Variants in CNBD1 observed in about 807,000 individuals in gnomAD.
The protein encoded by CNBD1 is cyclic nucleotide-binding domain-containing protein 1.
CNBD1 carries 71 observed loss-of-function variants against 54.4 expected under a neutral mutation model. That is an observed-to-expected ratio of 1.30 (90% CI 1.08 to 1.59). The LOEUF (loss-of-function observed/expected upper bound fraction) is 1.59, where lower values mean the gene tolerates loss of function less well. Among genes scored for constraint, CNBD1 ranks in the 40% most tolerant of loss-of-function variants. CNBD1 has a pLI of 0.00. For synonymous variants in CNBD1, 182 were observed against 170.7 expected, an observed-to-expected ratio of 1.07 and a Z score of -0.51; for missense variants, 659 against 518.0, an observed-to-expected ratio of 1.27 and a Z score of -2.64.
chr8:87,243,037 T>C (rs1385094835), intron 6 of CNBD1, among the ~76,000 whole-genome samples: 1 of 152,186 alleles, frequency 6.6e-6, no homozygotes, highest in Non-Finnish European at 1.5e-5. Context: ...AACAAATTAA[T>C]CACTAAACCA....
At chr8:86,879,442 G>A (rs565507907) in intron 1 of CNBD1, among the ~76,000 whole-genome samples, 6 of 152,314 alleles carry the variant, frequency 3.9e-5, no homozygotes, top group Non-Finnish European at 8.8e-5. Flanking sequence ...GTTTCAAAAA[G>A]TGTCACTGGT....
intron 8 of CNBD1, among the ~76,000 whole-genome samples, chr8:87,315,730 T>C (rs986864365): frequency 6.6e-6 from 1 of 151,960 alleles, no homozygotes; most frequent in Non-Finnish European, 1.5e-5. Flanking sequence ...CAGCTGGGAA[T>C]GTAGGTTGGT....
At chr8:86,997,496 C>G (rs1237540722) in intron 4 of CNBD1, among the ~76,000 whole-genome samples, 1 of 152,102 alleles carries the variant, frequency 6.6e-6, no homozygotes, top group Admixed American at 6.6e-5. Flanking sequence ...AAAGATTAAG[C>G]CATTAATCGC....
At chr8:86,938,074 T>C (rs766519238) in intron 3 of CNBD1, among the ~76,000 whole-genome samples, 6 of 152,188 alleles carry the variant, frequency 3.9e-5, no homozygotes, top group Non-Finnish European at 8.8e-5. Flanking sequence ...TTTCTTCTGC[T>C]AGATACTCTA....
At chr8:87,414,181 AC>A (rs1563593046) in intron 2 of CNBD1, among the ~76,000 whole-genome samples, 1 of 152,130 alleles carries the variant, frequency 6.6e-6, no homozygotes, top group Non-Finnish European at 1.5e-5. Flanking sequence ...ACCATGGAAT[AC>A]TATGCAGCCA....
chr8:87,122,977 G>C, intron 4 of CNBD1, among the ~76,000 whole-genome samples: 1 of 151,970 alleles, frequency 6.6e-6, no homozygotes, highest in East Asian at 1.9e-4. Flanking sequence ...ATCTAGTAAT[G>C]TGATGCTTCC....
chr8:87,339,186 C>A (rs1045326833), intron 8 of CNBD1, among the ~76,000 whole-genome samples: 1 of 152,156 alleles, frequency 6.6e-6, no homozygotes, highest in Non-Finnish European at 1.5e-5. Context: ...TTCTTCCCCT[C>A]CCCTCACTGG....
rs192564064 is a variant in CNBD1, at chr8:87,388,848, T to C, written c.213+35062T>C. Among the ~76,000 whole-genome samples, 142 of 152,264 alleles carry C rather than the reference T, an allele frequency of 9.3e-4. 1 individual carries two copies. The highest frequency in any genetic ancestry group is 3.2e-3 in the African/African-American group (135 of 41,570). On this transcript the variant is annotated intron_variant, in intron 2 of 7. Coordinates refer to the CNBD1 transcript ENST00000521593. Reference sequence around the variant, plus strand: ...CCTGATTAACATCGATGCAAAATCCTCAATAAAATACTGGCAAACTGAATC... The same window carrying C: ...CCTGATTAACATCGATGCAAAATCCCCAATAAAATACTGGCAAACTGAATC...
chr8:87,137,250 T>G (rs1263480226), intron 4 of CNBD1, among the ~76,000 whole-genome samples: 1 of 149,132 alleles, frequency 6.7e-6, no homozygotes, highest in Non-Finnish European at 1.5e-5. Context: ...CTGCTGGAGT[T>G]CAGTGGCTCT....
At chr8:87,383,002 G>T (rs943167490), downstream of CNBD1, 2 of 164,868 alleles carry the variant, frequency 1.2e-5, no homozygotes, top group African/African-American at 4.8e-5. Context: ...ATTTTTGACT[G>T]TCAGGGTTTG....
Position 86,866,503 on chromosome 8 carries a change from T to G in CNBD1, c.8T>G (p.Met3Arg). The G allele has an allele frequency of 6.2e-7, 1 of 1,610,870 alleles. No individual in the cohort carries two copies. The highest frequency in any genetic ancestry group is 8.5e-7 in the Non-Finnish European group (1 of 1,178,596). Residue 3 changes from methionine (M) to arginine (R), a missense_variant, in exon 1 of 11, where the codon ATG (methionine) becomes AGG (arginine). Coordinates refer to ENST00000518476, the MANE Select transcript of CNBD1 (RefSeq NM_173538.3). The stretch of plus-strand genomic sequence containing the variant: ...TGCCTTTGAGCCATCAAGATGCCGA[T>G]GTCTTCTCTTCCAGCAGCTATTTTG... MP[M>R]SSLPAAILSH...
chr8:86,948,604 A>T (rs374674881), intron 4 of CNBD1, among the ~76,000 whole-genome samples: 1 of 152,132 alleles, frequency 6.6e-6, no homozygotes, highest in East Asian at 1.9e-4. Context: ...TTTAAATCAG[A>T]TTATTAAATT....
chr8:87,214,759 C>T (rs188803486), intron 5 of CNBD1, among the ~76,000 whole-genome samples: 1 of 152,254 alleles, frequency 6.6e-6, no homozygotes, highest in African/African-American at 2.4e-5. Flanking sequence ...CAGCAGGCAA[C>T]AGAGAATGAG....
At chr8:87,276,483 T>A (rs995750401) in intron 6 of CNBD1, among the ~76,000 whole-genome samples, 14 of 151,810 alleles carry the variant, frequency 9.2e-5, no homozygotes, top group Non-Finnish European at 2.1e-4. Context: ...CACTTCATAA[T>A]GCGTTGATAA....
At chr8:87,122,264 C>T (rs572651779) in intron 4 of CNBD1, among the ~76,000 whole-genome samples, 18 of 151,890 alleles carry the variant, frequency 1.2e-4, no homozygotes, top group African/African-American at 4.1e-4. Context: ...ATTCTAAAGG[C>T]GTGAGATAAT....
intron 7 of CNBD1, among the ~76,000 whole-genome samples, 194 bp downstream of exon 7, chr8:87,285,009 C>A (rs1241345088): frequency 6.6e-6 from 1 of 151,978 alleles, no homozygotes; most frequent in African/African-American, 2.4e-5. Flanking sequence ...AAACAAAGGT[C>A]TCAATGAATA....
At chr8:87,112,221 G>A (rs1811678017) in intron 4 of CNBD1, among the ~76,000 whole-genome samples, 1 of 152,092 alleles carries the variant, frequency 6.6e-6, no homozygotes, top group African/African-American at 2.4e-5. Context: ...AGCTTCTTAT[G>A]GAGCATTGTT....
intron 5 of CNBD1, among the ~76,000 whole-genome samples, chr8:87,230,437 C>G (rs753143568): frequency 3.9e-5 from 6 of 152,148 alleles, no homozygotes; most frequent in Non-Finnish European, 7.4e-5. Flanking sequence ...ACATACACAT[C>G]ACTACTTAAA....
intron 5 of CNBD1, among the ~76,000 whole-genome samples, chr8:87,212,309 A>G (rs1036375533): frequency 6.6e-6 from 1 of 152,152 alleles, no homozygotes; most frequent in Admixed American, 6.5e-5. Context: ...ATTCAACACA[A>G]TCCCTAACAG....
Sources: allele counts gnomAD v4.1 joint callset (sites outside exome capture counted in the v4.1 genomes callset), GRCh38; gene constraint gnomAD v4.1.1; transcripts MANE v1.5; gene names NCBI Gene and HGNC (gene_info 2026-07-23, HGNC 2026-07-21).